Variants in JARID2 observed in about 807,000 individuals in gnomAD.
The protein encoded by JARID2 is protein Jumonji.
JARID2 carries 21 observed loss-of-function variants against 125.6 expected under a neutral mutation model. The observed-to-expected ratio is 0.17, with a 90% confidence interval of 0.12 to 0.24. JARID2 has a LOEUF of 0.24. Ranked by LOEUF, JARID2 falls within the 10% of genes least tolerant of loss-of-function variation. JARID2 has a pLI of 1.00. For missense variants in JARID2, 1,303 were observed against 1,639.6 expected (o/e 0.79, Z 3.55); for synonymous variants, 736 against 661.6 (o/e 1.11, Z -1.73).
intron 2 of JARID2, among the ~76,000 whole-genome samples, chr6:15,392,774 T>A (rs1032281300): frequency 1.4e-5 from 2 of 145,288 alleles, no homozygotes; most frequent in African/African-American, 5.1e-5. Flanking sequence ...AACCTCCACC[T>A]CCCAGGTTCA....
intron 1 of JARID2, among the ~76,000 whole-genome samples, chr6:15,283,167 A>G (rs1473674385): frequency 2.7e-5 from 4 of 148,538 alleles, no homozygotes; most frequent in Non-Finnish European, 5.9e-5. Context: ...TTTATTAGAG[A>G]CGGGGTTTCA....
At chr6:15,308,137 A>T (rs1336083015) in intron 1 of JARID2, among the ~76,000 whole-genome samples, 3 of 152,216 alleles carry the variant, frequency 2.0e-5, no homozygotes, top group South Asian at 2.1e-4. Flanking sequence ...CCTCTTCCTT[A>T]ATCCTTTACC....
At chr6:15,259,395 G>C (rs554651754) in intron 1 of JARID2, among the ~76,000 whole-genome samples, 1 of 152,190 alleles carries the variant, frequency 6.6e-6, no homozygotes, top group Admixed American at 6.5e-5. Flanking sequence ...TCATGGTCTG[G>C]AGTCCCAGTC....
chr6:15,287,806 C>T (rs556193372), intron 1 of JARID2, among the ~76,000 whole-genome samples: 12 of 152,194 alleles, frequency 7.9e-5, no homozygotes, highest in African/African-American at 2.9e-4. Flanking sequence ...TAGCTGCACC[C>T]TCTACTCATT....
chr6:15,480,915 T>A, intron 5 of JARID2, among the ~76,000 whole-genome samples: 1 of 152,218 alleles, frequency 6.6e-6, no homozygotes. Flanking sequence ...AGGAAACTTG[T>A]GTCAGCATCT....
At chr6:15,282,616 C>A (rs1057496522) in intron 1 of JARID2, among the ~76,000 whole-genome samples, 5 of 151,548 alleles carry the variant, frequency 3.3e-5, no homozygotes, top group Non-Finnish European at 5.9e-5. Flanking sequence ...CTTCTCTTCT[C>A]TTTTCTTTCC....
chr6:15,292,658 T>C (rs1761270831), intron 1 of JARID2, among the ~76,000 whole-genome samples: 1 of 152,148 alleles, frequency 6.6e-6, no homozygotes, highest in African/African-American at 2.4e-5. Context: ...AAGTTTAAGT[T>C]GTAATATTAT....
chr6:15,335,194 G>C (rs952190139), intron 1 of JARID2, among the ~76,000 whole-genome samples: 1 of 152,082 alleles, frequency 6.6e-6, no homozygotes, highest in African/African-American at 2.4e-5. Flanking sequence ...CCGTCTCGTG[G>C]CTTCAAGCGA....
At chr6:15,425,227 A>C (rs1263994457) in intron 3 of JARID2, among the ~76,000 whole-genome samples, 1 of 152,186 alleles carries the variant, frequency 6.6e-6, no homozygotes, top group Non-Finnish European at 1.5e-5. Context: ...GGGTGTGGCA[A>C]AGTGATTCCA....
chr6:15,353,545 C>T (rs1316989509), intron 1 of JARID2, among the ~76,000 whole-genome samples: 1 of 152,132 alleles, frequency 6.6e-6, no homozygotes, highest in Non-Finnish European at 1.5e-5. Flanking sequence ...ATTCCAAAAT[C>T]GAATGCCAAT....
intron 2 of JARID2, chr6:15,401,155 T>C: frequency 4.6e-6 from 2 of 438,156 alleles, no homozygotes; most frequent in South Asian, 3.2e-5. Flanking sequence ...GGCAAGGTGC[T>C]ATATATATAT....
chr6:15,370,884 T>C (rs1412441805), intron 1 of JARID2, among the ~76,000 whole-genome samples: 3 of 152,208 alleles, frequency 2.0e-5, no homozygotes, highest in Non-Finnish European at 4.4e-5. Context: ...TTGGGACTAT[T>C]TGGAATTATT....
chr6:15,293,096 G>T (rs1444415068), intron 1 of JARID2, among the ~76,000 whole-genome samples: 3 of 152,180 alleles, frequency 2.0e-5, no homozygotes, highest in Non-Finnish European at 4.4e-5. Flanking sequence ...ATCTTTGTCT[G>T]TCTCTTCTCT....
intron 2 of JARID2, among the ~76,000 whole-genome samples, chr6:15,385,540 T>G (rs1045205985): frequency 4.0e-5 from 6 of 150,924 alleles, no homozygotes; most frequent in African/African-American, 1.5e-4. Flanking sequence ...TTTATAGATA[T>G]TTATTATTTA....
At chr6:15,463,796 G>A (rs941926504) in intron 4 of JARID2, among the ~76,000 whole-genome samples, 1 of 152,056 alleles carries the variant, frequency 6.6e-6, no homozygotes, top group African/African-American at 2.4e-5. Context: ...ATATAATTAC[G>A]TAATGCATCC....
At chr6:15,460,814 C>T (rs945160769) in intron 4 of JARID2, among the ~76,000 whole-genome samples, 2 of 152,198 alleles carry the variant, frequency 1.3e-5, no homozygotes, top group Admixed American at 6.5e-5. Flanking sequence ...AAGGTATTCT[C>T]CTGTCTCAGC....
intron 1 of JARID2, among the ~76,000 whole-genome samples, chr6:15,350,473 G>A (rs1763384773): frequency 6.6e-6 from 1 of 152,128 alleles, no homozygotes; most frequent in Non-Finnish European, 1.5e-5. Context: ...TAGCTAGTGG[G>A]AAGAACTTTG....
chr6:15,313,342 T>G (rs771866810), intron 1 of JARID2, among the ~76,000 whole-genome samples: 1 of 152,220 alleles, frequency 6.6e-6, no homozygotes, highest in Admixed American at 6.5e-5. Context: ...GCGCTGTGGC[T>G]GAGAACCAGT....
intron 1 of JARID2, among the ~76,000 whole-genome samples, chr6:15,326,622 C>T (rs1417756884): frequency 2.6e-5 from 4 of 152,222 alleles, no homozygotes; most frequent in Non-Finnish European, 5.9e-5. Flanking sequence ...ATGCCTCAGC[C>T]TCCCAGGTAG....
Sources: gnomAD v4.1 joint callset for allele counts (sites outside exome capture counted in the v4.1 genomes callset) on GRCh38, gnomAD v4.1.1 for gene constraint, MANE v1.5 for transcripts, NCBI Gene and HGNC (gene_info 2026-07-23, HGNC 2026-07-21) for gene names.